Variants in TLK2 observed in about 807,000 individuals in gnomAD.
The protein encoded by TLK2 is tousled like kinase 2, also known as serine/threonine-protein kinase tousled-like 2.
A neutral mutation model predicts 117.3 loss-of-function variants in TLK2; 6 were observed. The observed-to-expected ratio is 0.05, with a 90% CI of 0.03 to 0.10. The LOEUF (loss-of-function observed/expected upper bound fraction) is 0.10, where lower values mean the gene tolerates loss of function less well. Among genes scored for constraint, TLK2 ranks in the 10% least tolerant of loss-of-function variants. The probability of loss-of-function intolerance (pLI) is 1.00; values close to 1 mark genes in which losing one functional copy is unlikely to be tolerated. For synonymous variants in TLK2, 257 were observed against 316.7 expected (o/e 0.81, Z 2.00); for missense variants, 299 against 901.2 (o/e 0.33, Z 8.56).
intron 10 of TLK2, among the ~76,000 whole-genome samples, chr17:62,562,510 A>C (rs1326320687): frequency 3.9e-5 from 6 of 152,234 alleles, no homozygotes; most frequent in African/African-American, 1.4e-4. Flanking sequence ...CAGATAGTTT[A>C]CAAAAAAAGA....
At chr17:62,514,723 C>T (rs1388897176) in intron 2 of TLK2, among the ~76,000 whole-genome samples, 54 of 151,946 alleles carry the variant, frequency 3.6e-4, no homozygotes, top group Admixed American at 1.8e-3. Context: ...GGATTACAAG[C>T]GCCCGCCACC....
In TLK2 at chr17:62,613,709, C is replaced by T. The variant is rs1178445994; in HGVS notation, c.*1144C>T. 2.0e-5 allele frequency: 3 copies of T among 152,184 alleles called. No homozygotes were observed. Among genetic ancestry groups the T allele is most frequent in the Non-Finnish European group, 4.4e-5 (3 of 68,056 alleles). The allele number at this position is 152,184 out of a possible 1,614,324, so 9.4% of individuals were successfully genotyped here. ...CTTTTGGCAGCAAACAACCTTCCCC[C>T]CAAGCCTCTGAATTTTGTGGGTGTG... On this transcript the variant is annotated 3_prime_UTR_variant, in exon 22 of 22. Coordinates refer to ENST00000346027, the MANE Select transcript of TLK2 (RefSeq NM_006852.6).
At chr17:62,571,834 G>GA (rs1457355920) in intron 11 of TLK2, among the ~76,000 whole-genome samples, 2 of 152,116 alleles carry the variant, frequency 1.3e-5, no homozygotes, top group African/African-American at 4.8e-5. Context: ...AATGTTCAGG[G>GA]AAGAGGGTAG....
chr17:62,516,211 C>A, intron 2 of TLK2: 1 of 666,008 alleles, frequency 1.5e-6, no homozygotes, highest in South Asian at 1.7e-5. Flanking sequence ...AGGCATGAGT[C>A]ACCGCGCCCG....
chr17:62,487,012 G>T (rs1310780815), intron 2 of TLK2, among the ~76,000 whole-genome samples: 3 of 152,192 alleles, frequency 2.0e-5, no homozygotes, highest in Non-Finnish European at 4.4e-5. Flanking sequence ...TATGATTGCA[G>T]GCTGGGCGCA....
At chr17:62,600,161 A>C (rs923435199) in intron 17 of TLK2, 1 of 152,634 alleles carries the variant, frequency 6.6e-6, no homozygotes, top group Non-Finnish European at 1.5e-5. Context: ...GGGTTATATA[A>C]AATGTTTGCA....
chr17:62,556,677 C>T (rs1264666428), intron 9 of TLK2, among the ~76,000 whole-genome samples: 1 of 152,158 alleles, frequency 6.6e-6, no homozygotes, highest in Non-Finnish European at 1.5e-5. Context: ...AATATTACCC[C>T]AGGGTGTCTC....
At chr17:62,601,867 G>T (rs1231873040) in intron 18 of TLK2, among the ~76,000 whole-genome samples, 175 bp from the exon 19 acceptor site, 2 of 152,204 alleles carry the variant, frequency 1.3e-5, no homozygotes, top group African/African-American at 4.8e-5. Flanking sequence ...AGTTTCAGCA[G>T]ATGCTGAGGA....
chr17:62,491,246 G>A (rs912654190), intron 2 of TLK2, among the ~76,000 whole-genome samples: 4 of 152,048 alleles, frequency 2.6e-5, no homozygotes, highest in Admixed American at 6.6e-5. Flanking sequence ...TGGCATTGGC[G>A]TTGTCATCAC....
At chr17:62,521,060 G>A (rs575116971) in intron 3 of TLK2, among the ~76,000 whole-genome samples, 40 of 152,152 alleles carry the variant, frequency 2.6e-4, no homozygotes, top group Non-Finnish European at 4.9e-4. Context: ...CCAGCTACTT[G>A]GAGGTCGGAG....
chr17:62,476,710 G>C (rs1442141828), upstream of TLK2, among the ~76,000 whole-genome samples: 1 of 152,166 alleles, frequency 6.6e-6, no homozygotes, highest in Non-Finnish European at 1.5e-5. Context: ...GAAAGAGCTA[G>C]GCTGCAAGAC....
intron 17 of TLK2, chr17:62,600,387 A>G (rs1176975983): frequency 2.8e-6 from 1 of 351,870 alleles, no homozygotes; most frequent in Non-Finnish European, 5.1e-6. Context: ...CTTATAGTCT[A>G]GACTCAAGAA....
chr17:62,584,061 G>A (rs1466725486), intron 15 of TLK2, among the ~76,000 whole-genome samples: 1 of 149,126 alleles, frequency 6.7e-6, no homozygotes, highest in Non-Finnish European at 1.5e-5. Flanking sequence ...AAATAGCATT[G>A]GTGCTCTTAT....
At chr17:62,498,851 G>A (rs12936692) in intron 2 of TLK2, among the ~76,000 whole-genome samples, 4 of 151,900 alleles carry the variant, frequency 2.6e-5, no homozygotes, top group Admixed American at 6.6e-5. Flanking sequence ...CTTGATCAGC[G>A]ATTTCTTTGG....
chr17:62,474,139 C>T (rs1419585404), upstream of TLK2, among the ~76,000 whole-genome samples: 3 of 151,356 alleles, frequency 2.0e-5, no homozygotes, highest in East Asian at 3.9e-4. Flanking sequence ...AGTGCAGTGG[C>T]GGGATCTTGG....
chr17:62,541,163 C>T (rs1244737714), intron 7 of TLK2, among the ~76,000 whole-genome samples: 1 of 152,300 alleles, frequency 6.6e-6, no homozygotes, highest in Middle Eastern at 3.4e-3. Context: ...ATAGCAACTT[C>T]TCCCCACCCA....
At chr17:62,515,186 T>C (rs2075478845) in intron 2 of TLK2, among the ~76,000 whole-genome samples, 1 of 152,210 alleles carries the variant, frequency 6.6e-6, no homozygotes, top group Non-Finnish European at 1.5e-5. Flanking sequence ...TTGTAGAATG[T>C]AGAATTTCAT....
intron 13 of TLK2, among the ~76,000 whole-genome samples, chr17:62,577,501 G>T (rs2080896516): frequency 6.6e-6 from 1 of 152,124 alleles, no homozygotes; most frequent in African/African-American, 2.4e-5. Context: ...AAGAGAAAGT[G>T]TTATGTGAAC....
intron 9 of TLK2, among the ~76,000 whole-genome samples, chr17:62,559,481 G>A (rs1024600232): frequency 4.0e-5 from 6 of 151,410 alleles, no homozygotes; most frequent in South Asian, 2.1e-4. Flanking sequence ...GAGTTCAAGC[G>A]ATTCTCCCGC....
Sources: gnomAD v4.1 joint callset for allele counts (sites outside exome capture counted in the v4.1 genomes callset) on GRCh38, gnomAD v4.1.1 for gene constraint, MANE v1.5 for transcripts, NCBI Gene and HGNC (gene_info 2026-07-23, HGNC 2026-07-21) for gene names.